Variants in HSPA12A observed in about 807,000 individuals in gnomAD.
HSPA12A encodes heat shock protein family A (Hsp70) member 12A.
HSPA12A carries 28 observed loss-of-function variants against 69.2 expected under a neutral mutation model. The ratio of observed to expected loss-of-function variants is 0.40; its 90% CI spans 0.30 to 0.55. The LOEUF (loss-of-function observed/expected upper bound fraction) is 0.55. HSPA12A is among the 20% of genes least tolerant of loss of function. HSPA12A has a pLI of 0.38. For synonymous variants in HSPA12A, 345 were observed against 370.5 expected (o/e 0.93, Z 0.79); for missense variants, 686 against 900.7 (o/e 0.76, Z 3.05).
chr10:116,817,376 G>A (rs982469487), intron 2 of HSPA12A, among the ~76,000 whole-genome samples: 4 of 152,058 alleles, frequency 2.6e-5, no homozygotes, highest in African/African-American at 9.7e-5. Context: ...ACAAGGTGCC[G>A]GCTTCTGTGC....
intron 2 of HSPA12A, among the ~76,000 whole-genome samples, chr10:116,802,672 C>A (rs753474259): frequency 6.6e-6 from 1 of 152,204 alleles, no homozygotes; most frequent in Non-Finnish European, 1.5e-5. Context: ...GGAAAGTCAC[C>A]GGGGCCACAG....
At chr10:116,777,411 G>A (rs547442292) in intron 2 of HSPA12A, among the ~76,000 whole-genome samples, 63 of 152,294 alleles carry the variant, frequency 4.1e-4, no homozygotes, top group Admixed American at 9.2e-4. Context: ...TCAGGTGGAC[G>A]GAGCCACAGA....
chr10:116,849,962 G>A, upstream of HSPA12A: 1 of 701,616 alleles, frequency 1.4e-6, no homozygotes, highest in Non-Finnish European at 2.6e-6. Context: ...GGAGGAAAGA[G>A]GGCGCTAGGC....
At chr10:116,805,908 C>T (rs1282150859) in intron 2 of HSPA12A, among the ~76,000 whole-genome samples, 6 of 152,192 alleles carry the variant, frequency 3.9e-5, no homozygotes, top group Non-Finnish European at 8.8e-5. Context: ...GGCTGGAAAT[C>T]GGAGCTAACC....
At chr10:116,696,490 C>G (rs1257273723) in intron 5 of HSPA12A, among the ~76,000 whole-genome samples, 1 of 152,172 alleles carries the variant, frequency 6.6e-6, no homozygotes, top group Non-Finnish European at 1.5e-5. Flanking sequence ...CTTTATTCTT[C>G]CTTCGTCTTG....
At chr10:116,760,853 A>T (rs1843952719) in intron 2 of HSPA12A, among the ~76,000 whole-genome samples, 1 of 152,188 alleles carries the variant, frequency 6.6e-6, no homozygotes, top group South Asian at 2.1e-4. Context: ...TTAAAGTATA[A>T]GTGTAGGCAG....
At chr10:116,751,207 C>A in intron 2 of HSPA12A, 1 of 236,858 alleles carries the variant, frequency 4.2e-6, no homozygotes, top group South Asian at 7.4e-5. Flanking sequence ...GAAGAAAGAT[C>A]AGGTAGCTCA....
chr10:116,736,245 A>C (rs1030369270), intron 1 of HSPA12A, among the ~76,000 whole-genome samples: 13 of 152,182 alleles, frequency 8.5e-5, no homozygotes, highest in Admixed American at 8.5e-4. Context: ...CTGAGATTGA[A>C]TAGAAGTCAA....
At chr10:116,847,035 T>G (rs1338221566) in intron 1 of HSPA12A, among the ~76,000 whole-genome samples, 2 of 152,238 alleles carry the variant, frequency 1.3e-5, no homozygotes, top group Non-Finnish European at 2.9e-5. Context: ...CTTACAACTT[T>G]GAACTCTATG....
chr10:116,804,742 G>A (rs549821596), intron 2 of HSPA12A, among the ~76,000 whole-genome samples: 63 of 152,210 alleles, frequency 4.1e-4, no homozygotes, highest in African/African-American at 1.5e-3. Flanking sequence ...AAAACCACTG[G>A]AGGCACATAA....
At chr10:116,784,643 G>A (rs75572469) in intron 2 of HSPA12A, among the ~76,000 whole-genome samples, 153 of 152,324 alleles carry the variant, frequency 1.0e-3, no homozygotes, top group Non-Finnish European at 2.0e-3. Flanking sequence ...TCTGCCTAGC[G>A]TCCCTTTAGC....
chr10:116,710,004 G>T lies in HSPA12A; in HGVS notation c.41-2719C>A, dbSNP rs1554882910. Among the ~76,000 whole-genome samples, 1 of 152,194 alleles carries T rather than the reference G, an allele frequency of 6.6e-6. No individual in the cohort carries two copies. Among genetic ancestry groups the T allele is most frequent in the Admixed American group, 6.5e-5 (1 of 15,286 alleles). On this transcript the variant is annotated intron_variant, in intron 1 of 11. Transcript: ENST00000369209. This position sits in a 1 kb window ranked among gnomAD's most constrained non-coding sequence, Gnocchi z 4.1. ...GCTAATTGCTCTTGAAAAGAGAATG[G>T]AGAAGTCAGCTCAGTTCCTAGACCA...
intron 2 of HSPA12A, among the ~76,000 whole-genome samples, chr10:116,770,443 G>A (rs1844176188): frequency 6.6e-6 from 1 of 152,204 alleles, no homozygotes; most frequent in South Asian, 2.1e-4. Flanking sequence ...GGTGGGGCCA[G>A]TCCGATGCCC....
chr10:116,681,989 T>A, intron 7 of HSPA12A, 112 bp from the exon 8 acceptor site: 1 of 875,046 alleles, frequency 1.1e-6, no homozygotes, highest in Non-Finnish European at 1.8e-6. Context: ...GGAACATTAG[T>A]GACATTTGAC....
At chr10:116,725,672 T>C (rs1327592495) in intron 1 of HSPA12A, among the ~76,000 whole-genome samples, 3 of 151,994 alleles carry the variant, frequency 2.0e-5, no homozygotes, top group African/African-American at 4.8e-5. Flanking sequence ...GAAGGGGCGC[T>C]ATCTTGGGAC....
chr10:116,804,652 T>C (rs1396776570), intron 2 of HSPA12A, among the ~76,000 whole-genome samples: 10 of 152,106 alleles, frequency 6.6e-5, no homozygotes, highest in Non-Finnish European at 1.3e-4. Context: ...CATGTGTAGG[T>C]GTTCTGTGTT....
intron 3 of HSPA12A, 41 bp downstream of exon 3, chr10:116,705,110 G>T (rs781912956): frequency 4.3e-6 from 7 of 1,611,880 alleles, no homozygotes; most frequent in Admixed American, 1.7e-5. Context: ...AGGTGCAGTG[G>T]TTGGCACCAG....
chr10:116,826,571 C>A (rs892802167), intron 2 of HSPA12A, among the ~76,000 whole-genome samples: 8 of 152,116 alleles, frequency 5.3e-5, no homozygotes, highest in African/African-American at 1.9e-4. Context: ...AAGGGAAGGG[C>A]AAATGGGGTT....
In HSPA12A at chr10:116,686,111, TC is replaced by T. The variant is rs1369507716; in HGVS notation, c.664-2150del. Among the ~76,000 whole-genome samples, 2 of 150,964 alleles carry T rather than the reference TC, an allele frequency of 1.3e-5. No homozygotes were observed. Among genetic ancestry groups the T allele is most frequent in the East Asian group, 2.0e-4 (1 of 5,120 alleles). On this transcript the variant is annotated intron_variant, in intron 6 of 11. Coordinates refer to ENST00000369209, the MANE Select transcript of HSPA12A (RefSeq NM_025015.3). The surrounding 1 kb of genome is among the most constrained non-coding windows in gnomAD (Gnocchi z 4.1). ...TGCCCCCTATTCAAGCAAGTAAAAG[TC>T]CCCCCTCCCCAGCTTCACTCTCACA...
Sources: allele counts gnomAD v4.1 joint callset (sites outside exome capture counted in the v4.1 genomes callset), GRCh38; gene constraint gnomAD v4.1.1; non-coding constraint Gnocchi (gnomAD v3.1); transcripts MANE v1.5; gene names NCBI Gene and HGNC (gene_info 2026-07-23, HGNC 2026-07-21).